GAPVD1: variants seen among roughly 807,000 people sequenced by gnomAD.
GAPVD1 encodes GTPase-activating protein and VPS9 domain-containing protein 1.
A neutral mutation model predicts 155.5 loss-of-function variants in GAPVD1; 35 were observed. The observed-to-expected ratio is 0.23, with a 90% CI of 0.17 to 0.30. The LOEUF (loss-of-function observed/expected upper bound fraction) is 0.30. GAPVD1 is among the 10% of genes least tolerant of loss of function. GAPVD1 has a pLI of 1.00. For synonymous variants in GAPVD1, 636 were observed against 619.7 expected (o/e 1.03, Z -0.39); for missense variants, 1,429 against 1,775.7 (o/e 0.80, Z 3.51).
intron 2 of GAPVD1, among the ~76,000 whole-genome samples, chr9:125,290,655 A>G (rs1588680760): frequency 6.6e-6 from 1 of 152,286 alleles, no homozygotes; most frequent in South Asian, 2.1e-4. Flanking sequence ...GGATTGGGAA[A>G]ATACAGTGTG....
At chr9:125,270,161 G>T (rs1447684780) in intron 2 of GAPVD1, among the ~76,000 whole-genome samples, 1 of 152,096 alleles carries the variant, frequency 6.6e-6, no homozygotes, top group Non-Finnish European at 1.5e-5. Context: ...AGGCATGGTG[G>T]CTCATGCCTG....
intron 2 of GAPVD1, among the ~76,000 whole-genome samples, chr9:125,282,931 AC>A (rs971204027): frequency 1.8e-4 from 27 of 152,152 alleles, no homozygotes; most frequent in African/African-American, 6.3e-4. Context: ...TTTTTTAATG[AC>A]TTTCTAACAA....
Position 125,298,971 on chromosome 9 carries a change from G to A in GAPVD1, c.50G>A (p.Arg17His). The change falls in exon 4 of 28, where the codon CGC becomes CAC. Residue 17 changes from arginine (R) to histidine (H), a missense_variant. By Grantham distance (29) the Arg-to-His change is conservative (BLOSUM62 0). Around this residue, in one of 4 missense-constraint regions of GAPVD1, gnomAD observed 628 missense variants for 733.4 expected, o/e 0.86. Transcript: ENST00000297933. ...HTLAHHLKQE[R>H]LYVNSEKQLI... is the part of the protein sequence containing the mutation. ...CTGGCTCATCACCTCAAGCAGGAAC[G>A]CTTATATGTAAACTCTGAGAAACAG... 3.7e-6 allele frequency: 6 copies of A among 1,611,984 alleles called. No homozygotes were observed. Among genetic ancestry groups the A allele is most frequent in the Non-Finnish European group, 5.1e-6 (6 of 1,178,698 alleles).
intron 2 of GAPVD1, among the ~76,000 whole-genome samples, chr9:125,278,112 G>A (rs1207198599): frequency 6.6e-6 from 1 of 152,164 alleles, no homozygotes; most frequent in African/African-American, 2.4e-5. Context: ...GTAAGGAGAA[G>A]TAAATGTAAA....
chr9:125,274,142 C>G (rs1835366407), intron 2 of GAPVD1, among the ~76,000 whole-genome samples: 1 of 151,806 alleles, frequency 6.6e-6, no homozygotes, highest in African/African-American at 2.4e-5. Flanking sequence ...CTCAGCCTCC[C>G]AAGTAGCTGT....
In GAPVD1 at chr9:125,319,705, G is replaced by A. The variant is rs1288440510; in HGVS notation, c.1603-1728G>A. On this transcript the variant is annotated intron_variant, in intron 9 of 27. Coordinates refer to ENST00000297933, the MANE Select transcript of GAPVD1 (RefSeq NM_001282680.3). ...CAACCTCCACCTCCCGGGTTCAAGC[G>A]ATTCTCCTGTCTCAGCCTCCCAAGT... Among the ~76,000 whole-genome samples, 3 of 151,090 alleles carry A rather than the reference G, an allele frequency of 2.0e-5. No homozygotes were observed. The Admixed American group carries it at 2.0e-4, about 10-fold the overall frequency.
intron 25 of GAPVD1, among the ~76,000 whole-genome samples, chr9:125,358,961 C>A (rs193148963): frequency 2.6e-5 from 4 of 152,200 alleles, no homozygotes; most frequent in Non-Finnish European, 5.9e-5. Flanking sequence ...CTTAGGCAAG[C>A]CTTTTCCCTT....
At chr9:125,300,796 A>G (rs889518211) in intron 4 of GAPVD1, among the ~76,000 whole-genome samples, 1 of 152,046 alleles carries the variant, frequency 6.6e-6, no homozygotes. Flanking sequence ...TTTTACCTCA[A>G]TAAAAATGAG....
At chr9:125,304,229 A>G (rs1198448665) in intron 5 of GAPVD1, among the ~76,000 whole-genome samples, 3 of 152,004 alleles carry the variant, frequency 2.0e-5, no homozygotes, top group African/African-American at 7.2e-5. Context: ...TCGCTCATTT[A>G]AAAAATGTTT....
rs1352749908 is a variant in GAPVD1, at chr9:125,364,212, A to G, written c.*1466A>G. On this transcript the variant is annotated 3_prime_UTR_variant, in exon 28 of 28. Transcript: ENST00000297933. ...GAGATCTTTGTGTCTGGGAATGCCT[A>G]AAGATTTTATTTTTTTTTCTTTGTT... 1 of 151,186 alleles carries G rather than the reference A, an allele frequency of 6.6e-6. No homozygotes were observed. The highest frequency in any genetic ancestry group is 1.5e-5 in the Non-Finnish European group (1 of 67,326). 9.4% of individuals were successfully genotyped at this position (151,186 alleles called of 1,614,324 possible).
At chr9:125,264,652 G>C (rs1833536332) in intron 1 of GAPVD1, among the ~76,000 whole-genome samples, 1 of 151,892 alleles carries the variant, frequency 6.6e-6, no homozygotes, top group African/African-American at 2.4e-5. Context: ...AGCTCTGTAA[G>C]CTCTAATGTA....
At chr9:125,343,831 A>C (rs1303569336) in intron 19 of GAPVD1, among the ~76,000 whole-genome samples, 1 of 152,230 alleles carries the variant, frequency 6.6e-6, no homozygotes, top group African/African-American at 2.4e-5. Context: ...ACATGTTCCT[A>C]ATGTTAGAAG....
At chr9:125,336,410 T>C (rs1354816510) in intron 15 of GAPVD1, among the ~76,000 whole-genome samples, 2 of 152,210 alleles carry the variant, frequency 1.3e-5, no homozygotes, top group East Asian at 3.8e-4. Context: ...AGTTATTTGC[T>C]GAGAGCAGTG....
chr9:125,319,704 C>T (rs571233814), intron 9 of GAPVD1, among the ~76,000 whole-genome samples: 216 of 150,886 alleles, frequency 1.4e-3, no homozygotes, highest in Non-Finnish European at 2.5e-3. Flanking sequence ...CGGGTTCAAG[C>T]GATTCTCCTG....
intron 2 of GAPVD1, among the ~76,000 whole-genome samples, chr9:125,284,087 G>T (rs758230812): frequency 4.0e-5 from 6 of 151,802 alleles, no homozygotes; most frequent in Non-Finnish European, 7.4e-5. Flanking sequence ...TGTTGGCCAG[G>T]CTGGTCTTGA....
intron 12 of GAPVD1, 95 bp from the exon 13 acceptor site, chr9:125,329,983 G>A (rs1391592976): frequency 9.8e-7 from 1 of 1,022,086 alleles, no homozygotes; most frequent in Non-Finnish European, 1.4e-6. Flanking sequence ...CGCCCAGCCA[G>A]GAGATTTTGT....
intron 1 of GAPVD1, among the ~76,000 whole-genome samples, chr9:125,266,643 A>G (rs961816020): frequency 1.3e-5 from 2 of 152,080 alleles, no homozygotes; most frequent in Non-Finnish European, 2.9e-5. Flanking sequence ...GAGGATATCT[A>G]TACTTTTTTT....
intron 8 of GAPVD1, among the ~76,000 whole-genome samples, chr9:125,310,596 A>G (rs1322054959): frequency 3.4e-5 from 5 of 147,854 alleles, no homozygotes; most frequent in African/African-American, 1.3e-4. Flanking sequence ...CTGGAGTGCA[A>G]TGGCGTGATC....
At chr9:125,319,390 T>A (rs568500656) in intron 9 of GAPVD1, among the ~76,000 whole-genome samples, 1 of 150,756 alleles carries the variant, frequency 6.6e-6, no homozygotes, top group South Asian at 2.1e-4. Flanking sequence ...TTTTTTTTAA[T>A]AAAAATTTTA....
Sources: gnomAD v4.1 joint callset for allele counts (sites outside exome capture counted in the v4.1 genomes callset) on GRCh38, gnomAD v4.1.1 for gene constraint, gnomAD v4.1.1 regional missense constraint, MANE v1.5 for transcripts, NCBI Gene and HGNC (gene_info 2026-07-23, HGNC 2026-07-21) for gene names.